Variants in NEO1 observed in about 807,000 individuals in gnomAD.
NEO1 encodes the protein neogenin 1, also known as neogenin.
NEO1 carries 63 observed loss-of-function variants against 159.7 expected under a neutral mutation model. The ratio of observed to expected loss-of-function variants is 0.39; its 90% CI spans 0.32 to 0.49. The LOEUF is 0.49. NEO1 is among the 20% of genes least tolerant of loss of function. The probability of loss-of-function intolerance (pLI) is 0.85; values close to 1 mark genes in which losing one functional copy is unlikely to be tolerated. For synonymous variants in NEO1, 633 were observed against 662.0 expected, an observed-to-expected ratio of 0.96 and a Z score of 0.67; for missense variants, 1,615 against 1,831.0, an observed-to-expected ratio of 0.88 and a Z score of 2.15.
rs1218832792 is a variant in NEO1, at chr15:73,135,996, A to G, written c.984A>G (p.Thr328=). The part of the protein sequence containing the change: ...YFCIADNGNE[T]IEAQAELTVQ... ...GTATAGCTGATAATGGAAATGAGAC[A>G]ATTGAAGCTCAAGCAGAGCTTACAG... Residue 328 remains threonine, a synonymous_variant, in exon 5 of 29, where the codon ACA becomes ACG. Transcript: ENST00000261908. 8 of 1,611,310 alleles carry G rather than the reference A, an allele frequency of 5.0e-6. No homozygotes were observed. Among genetic ancestry groups the G allele is most frequent in the Non-Finnish European group, 6.8e-6 (8 of 1,179,158 alleles).
chr15:73,056,750 A>C (rs1019454152), intron 1 of NEO1, among the ~76,000 whole-genome samples: 1 of 152,074 alleles, frequency 6.6e-6, no homozygotes, highest in African/African-American at 2.4e-5. Flanking sequence ...CTTAGTTTCC[A>C]GATCTTTTGT....
intron 11 of NEO1, among the ~76,000 whole-genome samples, chr15:73,250,487 T>TA (rs2040017093): frequency 1.3e-5 from 2 of 152,262 alleles, no homozygotes; most frequent in South Asian, 4.1e-4. Context: ...GAGTCAAACT[T>TA]AACATCACCA....
At chr15:73,220,913 T>C (rs1249994270) in intron 7 of NEO1, among the ~76,000 whole-genome samples, 1 of 152,224 alleles carries the variant, frequency 6.6e-6, no homozygotes, top group East Asian at 1.9e-4. Context: ...TCTGAAGCCT[T>C]CTTCTCTCAA....
In NEO1 at chr15:73,236,401, TG is replaced by T. The variant is rs1328478982; in HGVS notation, c.1348del (p.Val450SerfsTer8). 1 of 1,614,168 alleles carries T rather than the reference TG, an allele frequency of 6.2e-7. No homozygotes were observed. On this transcript the variant is annotated frameshift_variant, in exon 8 of 29. Coordinates refer to ENST00000261908, the MANE Select transcript of NEO1 (RefSeq NM_002499.4). LOFTEE classifies it high-confidence loss of function. ...GCTCCTCGGGATGTCGTGGCCTCCCTGGTCTCTACCCGCTTCATCAAATTGA... is the reference window on the plus strand; with the variant it reads ...GCTCCTCGGGATGTCGTGGCCTCCCTGTCTCTACCCGCTTCATCAAATTGA... Reference protein sequence around the residue: ...PSAPRDVVASLVSTRFIKLTW... With the variant: ...PSAPRDVVASXVSTRFIKLTW...
intron 6 of NEO1, among the ~76,000 whole-genome samples, chr15:73,178,089 C>T (rs940909588): frequency 6.6e-6 from 1 of 152,138 alleles, no homozygotes; most frequent in African/African-American, 2.4e-5. Context: ...TTAAGTTCTT[C>T]ATCGTGAATG....
At chr15:73,163,759 T>A (rs2034357191) in intron 5 of NEO1, among the ~76,000 whole-genome samples, 2 of 152,154 alleles carry the variant, frequency 1.3e-5, no homozygotes, top group South Asian at 4.1e-4. Context: ...TATACTACAC[T>A]TTGATTGGGA....
chr15:73,265,038 A>G (rs1471927058), intron 15 of NEO1, among the ~76,000 whole-genome samples: 1 of 152,200 alleles, frequency 6.6e-6, no homozygotes, highest in Non-Finnish European at 1.5e-5. Context: ...CTAGGTAAAC[A>G]GGAAGAGTGG....
intron 11 of NEO1, among the ~76,000 whole-genome samples, chr15:73,250,646 G>C (rs2040022818): frequency 6.6e-6 from 1 of 151,818 alleles, no homozygotes; most frequent in African/African-American, 2.4e-5. Flanking sequence ...GGGAAGCTCT[G>C]CAAAAAAAAT....
intron 22 of NEO1, among the ~76,000 whole-genome samples, chr15:73,281,560 GA>G (rs1315921945): frequency 5.9e-5 from 9 of 152,140 alleles, no homozygotes; most frequent in Non-Finnish European, 1.5e-5. Context: ...CAAGCCAAGA[GA>G]TTTTTTTTTA....
chr15:73,094,427 C>A (rs956617311), intron 1 of NEO1, among the ~76,000 whole-genome samples: 1 of 152,186 alleles, frequency 6.6e-6, no homozygotes, highest in Non-Finnish European at 1.5e-5. Flanking sequence ...ATAATAACTT[C>A]ATTGTCTGGA....
chr15:73,137,504 A>G (rs2031895787), intron 5 of NEO1, among the ~76,000 whole-genome samples: 1 of 152,052 alleles, frequency 6.6e-6, no homozygotes, highest in Non-Finnish European at 1.5e-5. Flanking sequence ...GCAGTGGTGC[A>G]GTCTCTGCTC....
intron 8 of NEO1, among the ~76,000 whole-genome samples, chr15:73,243,395 T>C (rs2039589675): frequency 6.6e-6 from 1 of 152,230 alleles, no homozygotes. Flanking sequence ...GAATAATTTC[T>C]TCAATGGAGT....
At chr15:73,224,132 A>G (rs1469020946) in intron 7 of NEO1, among the ~76,000 whole-genome samples, 1 of 152,144 alleles carries the variant, frequency 6.6e-6, no homozygotes, top group Non-Finnish European at 1.5e-5. Context: ...TAGGGCCCCA[A>G]TCCCTTCTAG....
intron 1 of NEO1, among the ~76,000 whole-genome samples, chr15:73,077,689 A>G (rs1483008396): frequency 1.3e-5 from 2 of 152,240 alleles, no homozygotes; most frequent in Non-Finnish European, 2.9e-5. Context: ...GCAGCTATGT[A>G]TGAGGCACTG....
chr15:73,066,171 C>G (rs2068209376), intron 1 of NEO1, among the ~76,000 whole-genome samples: 1 of 151,484 alleles, frequency 6.6e-6, no homozygotes, highest in South Asian at 2.1e-4. Flanking sequence ...GCGCCTGCCA[C>G]CATGCCCGGC....
At chr15:73,161,149 C>T (rs1454495935) in intron 5 of NEO1, among the ~76,000 whole-genome samples, 1 of 151,990 alleles carries the variant, frequency 6.6e-6, no homozygotes, top group East Asian at 1.9e-4. Context: ...TTGTGACTTC[C>T]GAGTTTGTGT....
At chr15:73,221,341 A>G (rs1447492079) in intron 7 of NEO1, among the ~76,000 whole-genome samples, 2 of 152,128 alleles carry the variant, frequency 1.3e-5, no homozygotes, top group African/African-American at 4.8e-5. Flanking sequence ...CCCCTACTGG[A>G]GGGTGCCTCC....
chr15:73,189,914 C>T (rs2152007402), intron 7 of NEO1, among the ~76,000 whole-genome samples: 1 of 152,240 alleles, frequency 6.6e-6, no homozygotes, highest in South Asian at 2.1e-4. Flanking sequence ...TAATATTTAA[C>T]TTCACTTTTA....
At chr15:73,205,533 T>C (rs1564345) in intron 7 of NEO1, among the ~76,000 whole-genome samples, 54,616 of 152,100 alleles carry the variant, frequency 0.36, 10,622 homozygotes, top group Admixed American at 0.47. Context: ...GGAGGGAATG[T>C]CCACAGAAAT....
Sources: gnomAD v4.1 joint callset for allele counts (sites outside exome capture counted in the v4.1 genomes callset) on GRCh38, gnomAD v4.1.1 for gene constraint, MANE v1.5 for transcripts, NCBI Gene and HGNC (gene_info 2026-07-23, HGNC 2026-07-21) for gene names.